ATF7IP2: variants seen among roughly 807,000 people sequenced by gnomAD.
The protein encoded by ATF7IP2 is activating transcription factor 7 interacting protein 2.
ATF7IP2 carries 42 observed loss-of-function variants against 64.2 expected under a neutral mutation model. That is an observed-to-expected ratio of 0.65 (90% CI 0.51 to 0.85). ATF7IP2 has a LOEUF of 0.85. Ranked by LOEUF, ATF7IP2 falls within the 40% of genes least tolerant of loss-of-function variation. The probability of loss-of-function intolerance (pLI) is 0.00; values close to 1 mark genes in which losing one functional copy is unlikely to be tolerated. For synonymous variants in ATF7IP2, 308 were observed against 272.8 expected, an observed-to-expected ratio of 1.13 and a Z score of -1.27; for missense variants, 933 against 784.2, an observed-to-expected ratio of 1.19 and a Z score of -2.27.
At chr16:10,389,370 G>A (rs2047274459) in intron 1 of ATF7IP2, among the ~76,000 whole-genome samples, 1 of 152,204 alleles carries the variant, frequency 6.6e-6, no homozygotes, top group Non-Finnish European at 1.5e-5. Context: ...CAGGAGGGCA[G>A]ACCACAGTGC....
chr16:10,457,532 A>G lies in ATF7IP2; in HGVS notation c.1352+3A>G, dbSNP rs771931424. 7 of 1,548,102 alleles carry G rather than the reference A, an allele frequency of 4.5e-6. No individual in the cohort carries two copies. In the Admixed American group the frequency reaches 6.7e-5, roughly 15 times the overall value. ...CAAAATAAGTCTGTTTCTGAAAGGTAGGTGTTTCTGCAAAAATGCATAAAT... is the reference window on the plus strand; with the variant it reads ...CAAAATAAGTCTGTTTCTGAAAGGTGGGTGTTTCTGCAAAAATGCATAAAT... On this transcript the variant is annotated splice_donor_region_variant and intron_variant, in intron 9 of 13. Coordinates refer to ENST00000562102, the MANE Select transcript of ATF7IP2 (RefSeq NM_001393719.1).
chr16:10,478,481 T>G (rs1260253568), intron 12 of ATF7IP2, among the ~76,000 whole-genome samples: 1 of 152,188 alleles, frequency 6.6e-6, no homozygotes, highest in Non-Finnish European at 1.5e-5. Context: ...ATCCCTTCCT[T>G]ACACCTTATA....
Position 10,394,979 on chromosome 16 carries a change from A to C in ATF7IP2, c.-242+8857A>C, listed in dbSNP as rs563692043. Reference sequence around the variant, plus strand: ...AGCCTGAAGTCAGCAGAATGTAGGAAAAAATTAGTGTGGAAATTAATAGAA... The same window carrying C: ...AGCCTGAAGTCAGCAGAATGTAGGACAAAATTAGTGTGGAAATTAATAGAA... On this transcript the variant is annotated intron_variant, in intron 1 of 13. Transcript: ENST00000562102. Among the ~76,000 whole-genome samples the C allele has an allele frequency of 2.0e-3, 308 of 152,246 alleles. 2 individuals carry two copies. Among genetic ancestry groups the C allele is most frequent in the African/African-American group, 7.3e-3 (302 of 41,578 alleles).
intron 9 of ATF7IP2, among the ~76,000 whole-genome samples, chr16:10,464,802 C>T (rs1405348926): frequency 6.6e-6 from 1 of 152,120 alleles, no homozygotes; most frequent in African/African-American, 2.4e-5. Context: ...TGTGTTGCTC[C>T]CTACTCATTC....
At chr16:10,459,959 AATAC>A (rs1390423520) in intron 9 of ATF7IP2, among the ~76,000 whole-genome samples, 1 of 152,168 alleles carries the variant, frequency 6.6e-6, no homozygotes, top group Non-Finnish European at 1.5e-5. Flanking sequence ...GAAAAGGAAA[AATAC>A]AAAGTATAGT....
At chr16:10,389,224 TGAAA>T (rs1259749463) in intron 1 of ATF7IP2, among the ~76,000 whole-genome samples, 11 of 152,040 alleles carry the variant, frequency 7.2e-5, no homozygotes, top group Non-Finnish European at 1.3e-4. Flanking sequence ...CAAACTACTG[TGAAA>T]GAAAGATAGT....
intron 3 of ATF7IP2, among the ~76,000 whole-genome samples, chr16:10,422,435 TCTC>T (rs2048004449): frequency 6.6e-6 from 1 of 152,204 alleles, no homozygotes; most frequent in Non-Finnish European, 1.5e-5. Flanking sequence ...TAGAACTTGT[TCTC>T]CTCATTGTTG....
chr16:10,440,129 C>G (rs909096010), intron 7 of ATF7IP2, among the ~76,000 whole-genome samples: 18 of 152,064 alleles, frequency 1.2e-4, no homozygotes, highest in African/African-American at 4.3e-4. Flanking sequence ...CATTGCACGC[C>G]AGCATGGGCA....
At chr16:10,468,738 C>T (rs1441217428) in intron 9 of ATF7IP2, among the ~76,000 whole-genome samples, 2 of 152,132 alleles carry the variant, frequency 1.3e-5, no homozygotes, top group East Asian at 1.9e-4. Flanking sequence ...GATGAAACTA[C>T]GAGAGACTGG....
chr16:10,396,034 A>G (rs972474204), intron 1 of ATF7IP2, among the ~76,000 whole-genome samples: 3 of 152,216 alleles, frequency 2.0e-5, no homozygotes, highest in Non-Finnish European at 4.4e-5. Context: ...TTCACAAACC[A>G]TTAAAGATAA....
At chr16:10,463,585 AC>A (rs892167684) in intron 9 of ATF7IP2, among the ~76,000 whole-genome samples, 6 of 151,892 alleles carry the variant, frequency 4.0e-5, no homozygotes, top group African/African-American at 1.5e-4. Flanking sequence ...TTAGGCTCTG[AC>A]CCCCAGCCCT....
At chr16:10,467,694 G>C (rs2049629543) in intron 9 of ATF7IP2, among the ~76,000 whole-genome samples, 1 of 151,366 alleles carries the variant, frequency 6.6e-6, no homozygotes, top group African/African-American at 2.4e-5. Flanking sequence ...AGCCTCCTGA[G>C]TAGAGCTCCC....
intron 9 of ATF7IP2, among the ~76,000 whole-genome samples, chr16:10,467,056 A>G (rs950704873): frequency 6.6e-6 from 1 of 152,036 alleles, no homozygotes; most frequent in Non-Finnish European, 1.5e-5. Context: ...CTGCTTGCCA[A>G]ATAGAGTAGG....
rs563342232 is a variant in ATF7IP2 at position 10,431,147 on chromosome 16, GTGT to G, written c.532_534del (p.Val178del). The G allele has an allele frequency of 1.6e-3, 2,583 of 1,614,190 alleles. 8 individuals are homozygous for G. Among genetic ancestry groups the G allele is most frequent in the Non-Finnish European group, 1.5e-3 (1,789 of 1,180,036 alleles). On this transcript the variant is annotated inframe_deletion, in exon 5 of 14. Coordinates refer to ENST00000562102, the MANE Select transcript of ATF7IP2 (RefSeq NM_001393719.1). Reference sequence around the variant, plus strand: ...TGCTGTCCACCCAGTGTATTGAGTGGTGTTGTTCAGATGCCAGAGTCTACAGTA... The same window carrying G: ...TGCTGTCCACCCAGTGTATTGAGTGGTGTTCAGATGCCAGAGTCTACAGTA...
chr16:10,456,350 T>G (rs1378229393), intron 8 of ATF7IP2, among the ~76,000 whole-genome samples: 1 of 152,210 alleles, frequency 6.6e-6, no homozygotes, highest in Non-Finnish European at 1.5e-5. Context: ...GTCAAGATTT[T>G]GGCTGGACAC....
chr16:10,390,914 A>G (rs957743168), intron 1 of ATF7IP2, among the ~76,000 whole-genome samples: 7 of 152,110 alleles, frequency 4.6e-5, no homozygotes, highest in East Asian at 1.9e-4. Flanking sequence ...TGTAATCCCA[A>G]TGGTTTAGGA....
intron 8 of ATF7IP2, among the ~76,000 whole-genome samples, chr16:10,452,680 CA>C (rs1386065457): frequency 1.3e-5 from 2 of 152,220 alleles, no homozygotes; most frequent in Admixed American, 1.3e-4. Context: ...TCCTGTCCGG[CA>C]GGGACATTTA....
intron 1 of ATF7IP2, among the ~76,000 whole-genome samples, chr16:10,404,775 T>C (rs1160792062): frequency 6.6e-6 from 1 of 151,490 alleles, no homozygotes; most frequent in Non-Finnish European, 1.5e-5. Context: ...ACTCCTGGAC[T>C]CAAGTAAACC....
In ATF7IP2 at chr16:10,389,819, C is replaced by T. The variant is rs73512939; in HGVS notation, c.-242+3697C>T. On this transcript the variant is annotated intron_variant, in intron 1 of 13. Coordinates refer to ENST00000562102, the MANE Select transcript of ATF7IP2 (RefSeq NM_001393719.1). ...TATTAGCATTCAGGTGATGCGGATG[C>T]TGCTGGTCTATGAACCACACTTGGC... Among the ~76,000 whole-genome samples the T allele has an allele frequency of 1.3e-3, 198 of 152,298 alleles. 1 individual carries two copies. The highest frequency in any genetic ancestry group is 4.5e-3 in the African/African-American group (185 of 41,570).
Sources: gnomAD v4.1 joint callset for allele counts (sites outside exome capture counted in the v4.1 genomes callset) on GRCh38, gnomAD v4.1.1 for gene constraint, MANE v1.5 for transcripts, NCBI Gene and HGNC (gene_info 2026-07-23, HGNC 2026-07-21) for gene names.